SF3A3: variants seen among roughly 807,000 people sequenced by gnomAD.
The protein encoded by SF3A3 is SAP 61.
In SF3A3, 9 loss-of-function variants were observed where a neutral mutation model predicts 85.8. The ratio of observed to expected loss-of-function variants is 0.10; its 90% CI spans 0.06 to 0.18. The LOEUF (loss-of-function observed/expected upper bound fraction) is 0.18. Ranked by LOEUF, SF3A3 falls within the 10% of genes least tolerant of loss-of-function variation. The pLI is 1.00. For missense variants in SF3A3, 306 were observed against 593.3 expected (o/e 0.52, Z 5.03); for synonymous variants, 195 against 204.4 (o/e 0.95, Z 0.39).
At chr1:37,977,949 G>A (rs1166933457) in intron 11 of SF3A3, among the ~76,000 whole-genome samples, 4 of 152,078 alleles carry the variant, frequency 2.6e-5, no homozygotes, top group African/African-American at 4.8e-5. Flanking sequence ...CCCAGAAGGC[G>A]GAGTTTGCAG....
chr1:37,974,297 CTTTTTTTT>C (rs61606709), intron 12 of SF3A3, among the ~76,000 whole-genome samples: 7 of 100,054 alleles, frequency 7.0e-5, no homozygotes, highest in Non-Finnish European at 9.9e-5. Flanking sequence ...AAGATGACCA[CTTTTTTTT>C]TTTTTTTTTT....
At chr1:37,989,060 G>T (rs1289931119) in intron 2 of SF3A3, among the ~76,000 whole-genome samples, 1 of 151,964 alleles carries the variant, frequency 6.6e-6, no homozygotes, top group African/African-American at 2.4e-5. Flanking sequence ...GGGAGGCCGA[G>T]GTAGGTGGAT....
At chr1:37,959,516 T>G (rs747367043) in intron 16 of SF3A3, among the ~76,000 whole-genome samples, 7 of 152,152 alleles carry the variant, frequency 4.6e-5, no homozygotes, top group Non-Finnish European at 8.8e-5. Flanking sequence ...GCTCAAGCGT[T>G]CCTCCTGCCT....
intron 12 of SF3A3, among the ~76,000 whole-genome samples, chr1:37,970,178 A>C (rs1251407254): frequency 6.6e-6 from 1 of 151,766 alleles, no homozygotes. Context: ...GGAGGTGTGC[A>C]CCTGTGATCC....
chr1:37,972,391 T>C (rs985893803), intron 12 of SF3A3, among the ~76,000 whole-genome samples: 2 of 152,226 alleles, frequency 1.3e-5, no homozygotes, highest in African/African-American at 2.4e-5. Context: ...TCCATGCTCA[T>C]GGATAGGAAG....
At chr1:37,969,542 G>A in intron 13 of SF3A3, 29 bp downstream of exon 13, 1 of 1,614,134 alleles carries the variant, frequency 6.2e-7, no homozygotes, top group Non-Finnish European at 8.5e-7. Flanking sequence ...AATGGGGAAT[G>A]GGGAGAAAGT....
At chr1:37,988,097 G>A (rs548869162) in intron 2 of SF3A3, among the ~76,000 whole-genome samples, 2 of 152,092 alleles carry the variant, frequency 1.3e-5, no homozygotes, top group Non-Finnish European at 2.9e-5. Flanking sequence ...TACATTTAAG[G>A]GGTGGCTCCT....
Position 37,980,724 on chromosome 1 carries a change from T to C in SF3A3, c.552A>G (p.Arg184=). 6.2e-7 allele frequency: 1 copy of C among 1,611,270 alleles called. No individual in the cohort carries two copies. Among genetic ancestry groups the C allele is most frequent in the Non-Finnish European group, 8.5e-7 (1 of 1,177,930 alleles). The part of the protein sequence containing the change: ...PKERKNAEYK[R]YLEMLLEYLQ... ...GGTACTCAAGCAGCATCTCTAGGTA[T>C]CTACAGAGGAACACACAATGCAGAC... The change falls in exon 8 of 17, where the codon AGA becomes AGG. Residue 184 remains arginine (R), a splice_region_variant and synonymous_variant. Transcript: ENST00000373019.
intron 12 of SF3A3, among the ~76,000 whole-genome samples, chr1:37,972,650 G>T (rs987347688): frequency 6.6e-6 from 1 of 152,168 alleles, no homozygotes; most frequent in Non-Finnish European, 1.5e-5. Context: ...AACCAAAACA[G>T]CATGGTACTG....
intron 15 of SF3A3, among the ~76,000 whole-genome samples, chr1:37,966,113 G>T (rs1171096188): frequency 2.0e-5 from 3 of 151,986 alleles, no homozygotes; most frequent in South Asian, 2.1e-4. Flanking sequence ...TGAGGCAGGA[G>T]AATCGCTTGG....
At chr1:37,970,791 G>A (rs1646340057) in intron 12 of SF3A3, among the ~76,000 whole-genome samples, 1 of 152,104 alleles carries the variant, frequency 6.6e-6, no homozygotes, top group Non-Finnish European at 1.5e-5. Flanking sequence ...CAGAAATAAA[G>A]TGTTCTTGGA....
intron 2 of SF3A3, among the ~76,000 whole-genome samples, chr1:37,988,386 T>A (rs1248362154): frequency 6.6e-6 from 1 of 152,184 alleles, no homozygotes; most frequent in African/African-American, 2.4e-5. Flanking sequence ...AGAGGTATCA[T>A]ATATTATGTA....
chr1:37,959,827 G>A (rs927426137), intron 16 of SF3A3, among the ~76,000 whole-genome samples: 2 of 151,820 alleles, frequency 1.3e-5, no homozygotes, highest in African/African-American at 2.4e-5. Flanking sequence ...GTGTGGTGGC[G>A]GGCGCCTGTA....
chr1:37,980,622 C>T lies in SF3A3; in HGVS notation c.654G>A (p.Glu218=), dbSNP rs751733088. 6 of 1,614,118 alleles carry T rather than the reference C, an allele frequency of 3.7e-6. No individual in the cohort carries two copies. The highest frequency in any genetic ancestry group is 1.1e-5 in the South Asian group (1 of 91,086). The stretch of plus-strand genomic sequence containing the variant: ...GAAAGGTCCCATTCTCCCATTTCTT[C>T]TCAAACTCAGCCTGAATCTTCCCAA... ...ELFGKIQAEF[E]KKWENGTFPG... is the part of the protein sequence containing the mutation. Residue 218 remains glutamate, a synonymous_variant, in exon 8 of 17, where the codon GAG becomes GAA. Coordinates refer to ENST00000373019, the MANE Select transcript of SF3A3 (RefSeq NM_006802.4).
At position 37,984,109 on chromosome 1, in the gene SF3A3, A is replaced by C. The variant is rs1224166890; in HGVS notation, c.468+60T>G. ...CAATGGCTTCATGTCTGCTAGTTCC[A>C]GCCTACTGTCCTGACTCACTTCGAG... On this transcript the variant is annotated intron_variant, in intron 6 of 16. Coordinates refer to ENST00000373019, the MANE Select transcript of SF3A3 (RefSeq NM_006802.4). 6 of 859,804 alleles carry C rather than the reference A, an allele frequency of 7.0e-6. No homozygotes were observed. In the East Asian group the frequency reaches 1.5e-4, roughly 22 times the overall value. The allele number at this position is 859,804 out of a possible 1,614,324, so 53.3% of individuals were successfully genotyped here.
chr1:37,980,261 C>T (rs1286902624), intron 8 of SF3A3, among the ~76,000 whole-genome samples: 2 of 152,050 alleles, frequency 1.3e-5, no homozygotes, highest in African/African-American at 2.4e-5. Flanking sequence ...CCTGTCCCCA[C>T]TAAAAACACA....
intron 15 of SF3A3, among the ~76,000 whole-genome samples, chr1:37,965,302 C>CAAAAAAAAAAAAA (rs55747818): frequency 1.0e-5 from 1 of 100,394 alleles, no homozygotes; most frequent in African/African-American, 4.0e-5. Flanking sequence ...CCCATCGGCA[C>CAAAAAAAAAAAAA]AAAAAAAAAA....
At chr1:37,976,821 G>A in intron 12 of SF3A3, 63 bp downstream of exon 12, 4 of 1,021,098 alleles carry the variant, frequency 3.9e-6, no homozygotes, top group Admixed American at 1.8e-5. Context: ...TCTTCTGTGA[G>A]TTCCTCTCCC....
intron 1 of SF3A3, 101 bp downstream of exon 1, chr1:37,989,769 G>T: frequency 8.1e-7 from 1 of 1,232,586 alleles, no homozygotes; most frequent in Non-Finnish European, 1.2e-6. Flanking sequence ...GGAGCCCGGA[G>T]GAAGGCAGGG....
Sources: allele counts gnomAD v4.1 joint callset (sites outside exome capture counted in the v4.1 genomes callset), GRCh38; gene constraint gnomAD v4.1.1; transcripts MANE v1.5; gene names NCBI Gene and HGNC (gene_info 2026-07-23, HGNC 2026-07-21).